Variants in YWHAZ observed in about 807,000 individuals in gnomAD.
YWHAZ encodes the protein tyrosine 3-monooxygenase/tryptophan 5-monooxygenase activation protein zeta, also known as 14-3-3 protein zeta/delta.
For synonymous variants in YWHAZ, 87 were observed against 103.6 expected (o/e 0.84, Z 0.97); for missense variants, 79 against 284.8 (o/e 0.28, Z 5.20).
Position 100,916,811 on chromosome 8 carries a change from T to A in YWHAZ, c.*3882A>T, listed in dbSNP as rs1812730422. On this transcript the variant is annotated 3_prime_UTR_variant, in exon 6 of 6. Transcript: ENST00000395958. ...CATCCTGTTACAATCTATATTCAGG[T>A]CTCTCCACTTTGAAAAGGAACTAGA... The A allele has an allele frequency of 6.6e-6, 1 of 152,190 alleles. No homozygotes were observed. The highest frequency in any genetic ancestry group is 2.4e-5 in the African/African-American group (1 of 41,440). The allele number at this position is 152,190 out of a possible 1,614,324, so 9.4% of individuals were successfully genotyped here.
chr8:100,952,621 C>T, upstream of YWHAZ: 1 of 279,936 alleles, frequency 3.6e-6, no homozygotes, highest in South Asian at 1.4e-4. Context: ...GTAGTAACTG[C>T]CCCAGGGCCG....
intron 2 of YWHAZ, among the ~76,000 whole-genome samples, chr8:100,926,261 C>A (rs1024247969): frequency 4.6e-5 from 7 of 150,942 alleles, no homozygotes; most frequent in African/African-American, 1.2e-4. Flanking sequence ...GGCAGTAGGG[C>A]CAGATTGCAC....
At chr8:100,937,423 T>G (rs1586128000) in intron 2 of YWHAZ, among the ~76,000 whole-genome samples, 1 of 152,206 alleles carries the variant, frequency 6.6e-6, no homozygotes, top group African/African-American at 2.4e-5. Flanking sequence ...TAAAACAGTA[T>G]TTCACCAACT....
At chr8:100,949,919 G>A (rs1160618289) in intron 1 of YWHAZ, among the ~76,000 whole-genome samples, 1 of 152,116 alleles carries the variant, frequency 6.6e-6, no homozygotes, top group Non-Finnish European at 1.5e-5. Flanking sequence ...AATCCACACA[G>A]TGACACCACA....
chr8:100,951,620 C>G, intron 1 of YWHAZ: 1 of 985,280 alleles, frequency 1.0e-6, no homozygotes, highest in Non-Finnish European at 1.2e-6. Context: ...GAGCCGGCGA[C>G]AGGGAGATCC....
Position 100,924,401 on chromosome 8 carries a change from T to A in YWHAZ, c.419-103A>T. Reference sequence around the variant, plus strand: ...TCACATATCCTTTGAAATACTAACCTGTAACAGCTTAATATTTGTTAATTG... The same window carrying A: ...TCACATATCCTTTGAAATACTAACCAGTAACAGCTTAATATTTGTTAATTG... On this transcript the variant is annotated intron_variant, in intron 3 of 5. Coordinates refer to ENST00000395958, the MANE Select transcript of YWHAZ (RefSeq NM_145690.3). This position sits in a 1 kb window ranked among gnomAD's most constrained non-coding sequence, Gnocchi z 5.7. 1.7e-6 allele frequency: 2 copies of A among 1,180,754 alleles called. No individual in the cohort carries two copies. Among genetic ancestry groups the A allele is most frequent in the Admixed American group, 2.6e-5 (1 of 38,120 alleles). The allele number at this position is 1,180,754 out of a possible 1,614,324, so 73.1% of individuals were successfully genotyped here.
rs140058946 is a variant in YWHAZ, at chr8:100,948,343, A to G, written c.294+253T>C. On this transcript the variant is annotated intron_variant, in intron 2 of 5. Transcript: ENST00000395958. This position sits in a 1 kb window ranked among gnomAD's most constrained non-coding sequence, Gnocchi z 4.2. ...CAATTAGTTTATATTTTCAATTAAT[A>G]TAAAATACAATACTAAAGTCTGTTA... is the stretch of plus-strand genomic sequence containing the variant. Among the ~76,000 whole-genome samples, 358 of 152,358 alleles carry G rather than the reference A, an allele frequency of 2.3e-3. 3 individuals are homozygous for G. Among genetic ancestry groups the G allele is most frequent in the African/African-American group, 7.7e-3 (320 of 41,582 alleles).
At chr8:100,952,885 T>C (rs1406043204), upstream of YWHAZ, 1 of 1,000,204 alleles carries the variant, frequency 1.0e-6, no homozygotes, top group African/African-American at 1.7e-5. Flanking sequence ...AGACCTTTTA[T>C]GGCTCGGAAA....
rs548418297 is a variant in YWHAZ, at chr8:100,919,495, A to G, written c.*1198T>C. 2 of 152,418 alleles carry G rather than the reference A, an allele frequency of 1.3e-5. No individual in the cohort carries two copies. The highest frequency in any genetic ancestry group is 4.1e-4 in the South Asian group (2 of 4,824). The allele number at this position is 152,418 out of a possible 1,614,324, so 9.4% of individuals were successfully genotyped here. A position where few individuals can be genotyped will look rare whatever the true frequency, so the allele number is the denominator to read the frequency against. On this transcript the variant is annotated 3_prime_UTR_variant, in exon 6 of 6. Transcript: ENST00000395958. ...CTCATTTTTTTCAGGGTGGGGAGGA[A>G]GAGAGGGGATCATGGGACATGGAAA...
rs1454480326 is a variant in YWHAZ, at chr8:100,917,792, G to A, written c.*2901C>T. ...TGGATTTTCCAATTTCCTGGCACTA[G>A]GATGTTACATTGACAAAAGCAGACG... On this transcript the variant is annotated 3_prime_UTR_variant, in exon 6 of 6. Coordinates refer to ENST00000395958, the MANE Select transcript of YWHAZ (RefSeq NM_145690.3). The A allele has an allele frequency of 1.3e-5, 2 of 152,174 alleles. No individual in the cohort carries two copies. Among genetic ancestry groups the A allele is most frequent in the Non-Finnish European group, 1.5e-5 (1 of 68,032 alleles). The allele number at this position is 152,174 out of a possible 1,614,324, so 9.4% of individuals were successfully genotyped here.
Position 100,920,795 on chromosome 8 carries a change from T to TTGGG in YWHAZ, c.679-44_679-43insCCCA, listed in dbSNP as rs373030011. Reference sequence around the variant, plus strand: ...GATTTTTCAGCAAGTTTCAGTGGGATGGGGGGGGGGGGGCGTTTTCATATA... The same window carrying TTGGG: ...GATTTTTCAGCAAGTTTCAGTGGGATTGGGGGGGGGGGGGGGGCGTTTTCATATA... On this transcript the variant is annotated intron_variant, in intron 5 of 5. Transcript: ENST00000395958. 13 of 88,774 alleles carry TTGGG rather than the reference T, an allele frequency of 1.5e-4. No homozygotes were observed. The African/African-American group carries it at 1.5e-3, about 10-fold the overall frequency. 5.5% of individuals were successfully genotyped at this position (88,774 alleles called of 1,614,324 possible). A position where few individuals can be genotyped will look rare whatever the true frequency, so the allele number is the denominator to read the frequency against.
intron 5 of YWHAZ, chr8:100,923,747 TG>T (rs1427609025): frequency 1.2e-5 from 5 of 434,604 alleles, no homozygotes; most frequent in African/African-American, 1.0e-4. Context: ...CATCAATGTG[TG>T]TATTTTTTAG....
intron 2 of YWHAZ, among the ~76,000 whole-genome samples, chr8:100,939,656 T>C (rs557243716): frequency 1.3e-4 from 20 of 148,896 alleles, no homozygotes; most frequent in Non-Finnish European, 2.8e-4. Flanking sequence ...TGAAACTCCA[T>C]CTCAAAAAAA....
intron 2 of YWHAZ, among the ~76,000 whole-genome samples, chr8:100,940,791 T>C (rs1809786547): frequency 6.6e-6 from 1 of 152,218 alleles, no homozygotes; most frequent in Non-Finnish European, 1.5e-5. Flanking sequence ...ACAAATGCAG[T>C]AAAACTTGCC....
intron 1 of YWHAZ, chr8:100,951,315 C>T (rs967165146): frequency 7.1e-5 from 70 of 984,378 alleles, no homozygotes; most frequent in African/African-American, 7.0e-5. Context: ...TCCCCGAGGC[C>T]CCCGGCCCCT....
At position 100,926,504 on chromosome 8, in the gene YWHAZ, G is replaced by A. The variant is rs964608643; in HGVS notation, c.295-1465C>T. Among the ~76,000 whole-genome samples the A allele has an allele frequency of 3.3e-5, 5 of 152,256 alleles. No homozygotes were observed. The South Asian group carries it at 6.2e-4, about 19-fold the overall frequency. ...AAATTAGCCAGGCGTGGTGACGGGC[G>A]CCTGTAATCCCAGCTGAGGCAGGAG... On this transcript the variant is annotated intron_variant, in intron 2 of 5. Transcript: ENST00000395958.
chr8:100,925,742 C>T (rs1044956411), intron 2 of YWHAZ, among the ~76,000 whole-genome samples: 5 of 152,026 alleles, frequency 3.3e-5, no homozygotes, highest in Non-Finnish European at 7.4e-5. Flanking sequence ...AAAATTCTGT[C>T]TAAAACTACT....
At chr8:100,951,414 AAGG>A in intron 1 of YWHAZ, 1 of 959,898 alleles carries the variant, frequency 1.0e-6, no homozygotes, top group Non-Finnish European at 1.2e-6. Flanking sequence ...GGGGGAGGGA[AAGG>A]AGGGGGCGGC....
At chr8:100,933,852 A>C (rs1226488454) in intron 2 of YWHAZ, among the ~76,000 whole-genome samples, 1 of 152,076 alleles carries the variant, frequency 6.6e-6, no homozygotes, top group Admixed American at 6.6e-5. Context: ...TACTAAAAAT[A>C]ATTTAAAAAC....
Sources: allele counts gnomAD v4.1 joint callset (sites outside exome capture counted in the v4.1 genomes callset), GRCh38; gene constraint gnomAD v4.1.1; non-coding constraint Gnocchi (gnomAD v3.1); transcripts MANE v1.5; gene names NCBI Gene and HGNC (gene_info 2026-07-23, HGNC 2026-07-21).